ZBTB20: variants seen among roughly 807,000 people sequenced by gnomAD.
ZBTB20 encodes the protein zinc finger and BTB domain containing 20.
In ZBTB20, 9 loss-of-function variants were observed where a neutral mutation model predicts 56.9. The observed-to-expected ratio is 0.16, with a 90% CI of 0.10 to 0.28. The LOEUF (loss-of-function observed/expected upper bound fraction) is 0.28. ZBTB20 is among the 10% of genes least tolerant of loss of function. ZBTB20 has a pLI of 1.00. For synonymous variants in ZBTB20, 417 were observed against 420.7 expected (o/e 0.99, Z 0.11); for missense variants, 655 against 1,003.0 (o/e 0.65, Z 4.69).
At chr3:114,828,607 T>C (rs1041126471) in intron 4 of ZBTB20, among the ~76,000 whole-genome samples, 1 of 151,876 alleles carries the variant, frequency 6.6e-6, no homozygotes, top group African/African-American at 2.4e-5. Context: ...GTGATTTTCT[T>C]AAGAATTGCA....
At chr3:114,859,197 TTCC>T (rs2075383371) in intron 4 of ZBTB20, among the ~76,000 whole-genome samples, 1 of 152,014 alleles carries the variant, frequency 6.6e-6, no homozygotes, top group African/African-American at 2.4e-5. Context: ...TCTTCCTTCC[TTCC>T]TTCGTTCCTT....
At chr3:114,475,014 C>T (rs2040584748) in intron 7 of ZBTB20, among the ~76,000 whole-genome samples, 1 of 152,194 alleles carries the variant, frequency 6.6e-6, no homozygotes, top group Non-Finnish European at 1.5e-5. Flanking sequence ...TCCCCACTGT[C>T]TCCTGAATAA....
intron 3 of ZBTB20, among the ~76,000 whole-genome samples, chr3:114,973,717 T>A (rs1293304162): frequency 2.6e-5 from 4 of 152,138 alleles, no homozygotes; most frequent in African/African-American, 9.7e-5. Flanking sequence ...TAAATTACCC[T>A]ACCATGTTAG....
chr3:114,318,915 A>C lies in ZBTB20; in HGVS notation c.*20090T>G, dbSNP rs1439746643. 6.6e-6 allele frequency: 1 copy of C among 152,202 alleles called. No individual in the cohort carries two copies. The highest frequency in any genetic ancestry group is 1.5e-5 in the Non-Finnish European group (1 of 68,032). 9.4% of individuals were successfully genotyped at this position (152,202 alleles called of 1,614,324 possible). On this transcript the variant is annotated 3_prime_UTR_variant, in exon 12 of 12. Coordinates refer to ENST00000675478, the MANE Select transcript of ZBTB20 (RefSeq NM_001348800.3). ...GCTTCCACACTTAAACTCACAGTCCAGTGTTTTTGACATTTCATAAATAGC... is the reference window on the plus strand; with the variant it reads ...GCTTCCACACTTAAACTCACAGTCCCGTGTTTTTGACATTTCATAAATAGC...
At chr3:114,782,448 C>T (rs2070173501) in intron 5 of ZBTB20, among the ~76,000 whole-genome samples, 2 of 152,170 alleles carry the variant, frequency 1.3e-5, no homozygotes, top group Non-Finnish European at 2.9e-5. Flanking sequence ...GACAATGGAT[C>T]TCTGATCTCT....
chr3:114,832,717 A>G (rs1337917700), intron 4 of ZBTB20, among the ~76,000 whole-genome samples: 1 of 152,146 alleles, frequency 6.6e-6, no homozygotes, highest in Non-Finnish European at 1.5e-5. Flanking sequence ...AAGCTATGAT[A>G]TTTCAAATCT....
chr3:114,785,253 A>G (rs2070398240), intron 5 of ZBTB20, among the ~76,000 whole-genome samples: 1 of 152,208 alleles, frequency 6.6e-6, no homozygotes, highest in Admixed American at 6.5e-5. Context: ...AAGAGGCAAA[A>G]TCAGAGATGT....
intron 5 of ZBTB20, among the ~76,000 whole-genome samples, chr3:114,697,976 G>A (rs555753493): frequency 4.6e-5 from 7 of 152,182 alleles, no homozygotes; most frequent in Non-Finnish European, 8.8e-5. Context: ...GCAGGTGAAT[G>A]CCTGAAAGTT....
chr3:114,642,582 CTT>C (rs1288158192), intron 6 of ZBTB20, among the ~76,000 whole-genome samples: 1 of 152,020 alleles, frequency 6.6e-6, no homozygotes, highest in Non-Finnish European at 1.5e-5. Context: ...AAAACGAGCA[CTT>C]TTCCCGACTG....
At chr3:114,943,777 G>C (rs905183084) in intron 3 of ZBTB20, among the ~76,000 whole-genome samples, 1 of 144,386 alleles carries the variant, frequency 6.9e-6, no homozygotes, top group Admixed American at 6.7e-5. Context: ...GAAGGAAAGG[G>C]TAAGGAGAAT....
At chr3:114,979,597 A>C (rs2078247843) in intron 2 of ZBTB20, among the ~76,000 whole-genome samples, 1 of 152,058 alleles carries the variant, frequency 6.6e-6, no homozygotes, top group Admixed American at 6.6e-5. Context: ...ATTAATAATT[A>C]TAGCAAACAA....
chr3:114,993,346 G>A (rs1486814001), intron 2 of ZBTB20, among the ~76,000 whole-genome samples: 1 of 151,834 alleles, frequency 6.6e-6, no homozygotes, highest in Non-Finnish European at 1.5e-5. Flanking sequence ...GTAAAGGAGT[G>A]AGTCATGAGG....
chr3:114,705,592 C>A (rs1050260535), intron 5 of ZBTB20, among the ~76,000 whole-genome samples: 3 of 152,294 alleles, frequency 2.0e-5, no homozygotes, highest in African/African-American at 7.2e-5. Context: ...CTTCCAAAAA[C>A]AAACACCCAT....
chr3:114,625,222 T>G (rs2058588457), intron 6 of ZBTB20, among the ~76,000 whole-genome samples: 1 of 148,318 alleles, frequency 6.7e-6, no homozygotes, highest in African/African-American at 2.5e-5. Flanking sequence ...AAAAGAAGCA[T>G]CAAGAGAAAA....
In ZBTB20 at chr3:114,585,347, A is replaced by C. The variant is rs557867887; in HGVS notation, c.-294-84956T>G. 1.1e-4 allele frequency among the ~76,000 whole-genome samples: 17 copies of C among 152,214 alleles called. No homozygotes were observed. The East Asian group carries it at 1.9e-3, about 17-fold the overall frequency. ...CCAGATATTATGCTGAGTGAGGAGG[A>C]GGTTAAGGGAAGCTACTGATGACAG... is the stretch of plus-strand genomic sequence containing the variant. On this transcript the variant is annotated intron_variant, in intron 6 of 11. Transcript: ENST00000675478.
chr3:114,729,988 G>A (rs1488107017), intron 5 of ZBTB20, among the ~76,000 whole-genome samples: 1 of 134,104 alleles, frequency 7.5e-6, no homozygotes, highest in East Asian at 2.1e-4. Context: ...TGTATAGACA[G>A]GGTTTTGCTT....
chr3:114,944,832 G>A (rs1167742109), intron 3 of ZBTB20, among the ~76,000 whole-genome samples: 4 of 144,222 alleles, frequency 2.8e-5, no homozygotes, highest in Middle Eastern at 3.4e-3. Context: ...GTTGGATGGT[G>A]ATGAAGAAAG....
chr3:114,906,359 A>C (rs1422802343), intron 3 of ZBTB20, among the ~76,000 whole-genome samples: 1 of 151,758 alleles, frequency 6.6e-6, no homozygotes, highest in Non-Finnish European at 1.5e-5. Flanking sequence ...ATCAAAGGCA[A>C]GGCAGAAAAA....
intron 1 of ZBTB20, among the ~76,000 whole-genome samples, chr3:115,099,644 A>T (rs964517541): frequency 2.6e-5 from 4 of 152,186 alleles, no homozygotes; most frequent in African/African-American, 9.7e-5. Flanking sequence ...ACCTGCTTCA[A>T]GGATTTAAAC....
Sources: gnomAD v4.1 joint callset for allele counts (sites outside exome capture counted in the v4.1 genomes callset) on GRCh38, gnomAD v4.1.1 for gene constraint, MANE v1.5 for transcripts, NCBI Gene and HGNC (gene_info 2026-07-23, HGNC 2026-07-21) for gene names.